The following PMF1 variants were observed in gnomAD, a reference collection of about 807,000 sequenced individuals.
PMF1 encodes the protein polyamine modulated factor 1.
PMF1 carries 21 observed loss-of-function variants against 26.7 expected under a neutral mutation model. The observed-to-expected ratio is 0.79, with a 90% confidence interval of 0.56 to 1.13. PMF1 has a LOEUF of 1.13. PMF1 is among the 50% of genes most tolerant of loss of function. The pLI, the probability that PMF1 is intolerant of heterozygous loss-of-function variation, is 0.00. For missense variants in PMF1, 266 were observed against 254.9 expected (o/e 1.04, Z -0.30); for synonymous variants, 105 against 101.0 (o/e 1.04, Z -0.24).
At position 156,215,647 on chromosome 1, in the gene PMF1, C is replaced by T. The variant is rs2103072132; in HGVS notation, c.161+2471C>T. On this transcript the variant is annotated intron_variant, in intron 1 of 4. Coordinates refer to ENST00000368277, the MANE Select transcript of PMF1 (RefSeq NM_007221.4). ...GCTCAAGTGATCCTCCCACCTCAGC[C>T]TCCCAGAGTGCTAGGATTACAGGCA... 2.0e-5 allele frequency among the ~76,000 whole-genome samples: 3 copies of T among 152,214 alleles called. No individual in the cohort carries two copies. In the Middle Eastern group the frequency reaches 0.01, roughly 518 times the overall value.
chr1:156,217,823 T>A (rs1329495975), intron 1 of PMF1, among the ~76,000 whole-genome samples: 1 of 152,140 alleles, frequency 6.6e-6, no homozygotes, highest in Non-Finnish European at 1.5e-5. Context: ...TTGATATGCA[T>A]CCACCACTTA....
chr1:156,232,549 G>A lies in PMF1; in HGVS notation c.267+124G>A, dbSNP rs568316473. On this transcript the variant is annotated intron_variant, in intron 2 of 4. Transcript: ENST00000368277. The stretch of plus-strand genomic sequence containing the variant: ...TCCTCAGCCCCTAGAGCTGTCCTGG[G>A]TGCCCAGCAGGCTGCAGCATCCATC... 4 of 821,314 alleles carry A rather than the reference G, an allele frequency of 4.9e-6. No homozygotes were observed. In the African/African-American group the frequency reaches 5.2e-5, roughly 11 times the overall value. 50.9% of individuals were successfully genotyped at this position (821,314 alleles called of 1,614,324 possible).
At chr1:156,234,789 G>A (rs1210244323) in intron 3 of PMF1, among the ~76,000 whole-genome samples, 5 of 152,122 alleles carry the variant, frequency 3.3e-5, no homozygotes, top group African/African-American at 1.2e-4. Context: ...GATTAAAGGT[G>A]TGAGCCCTCG....
intron 1 of PMF1, among the ~76,000 whole-genome samples, 176 bp downstream of exon 1, chr1:156,213,352 G>A (rs991787241): frequency 6.6e-6 from 1 of 152,236 alleles, no homozygotes; most frequent in Non-Finnish European, 1.5e-5. Flanking sequence ...TTCACGCACT[G>A]ATAACCTGTA....
chr1:156,213,183 T>C lies in PMF1; in HGVS notation c.161+7T>C, dbSNP rs779655696. 7 of 1,611,880 alleles carry C rather than the reference T, an allele frequency of 4.3e-6. No individual in the cohort carries two copies. The Admixed American group carries it at 6.7e-5, about 15-fold the overall frequency. On this transcript the variant is annotated splice_region_variant and intron_variant, in intron 1 of 4. Transcript: ENST00000368277. ...AGCTGGTCGCCGCCGGCAGGTAAAG[T>C]GGACGCAGCCGCGGTGGGAGTGTTT...
intron 4 of PMF1, among the ~76,000 whole-genome samples, chr1:156,238,393 T>C (rs368761994): frequency 9.2e-5 from 14 of 152,324 alleles, no homozygotes; most frequent in African/African-American, 2.4e-4. Flanking sequence ...CCGACATCAC[T>C]TGGGGCCACA....
At chr1:156,216,842 C>T (rs1164710516) in intron 1 of PMF1, among the ~76,000 whole-genome samples, 1 of 151,854 alleles carries the variant, frequency 6.6e-6, no homozygotes, top group South Asian at 2.1e-4. Context: ...GCCGGCCGGC[C>T]CGCCTCCGCT....
chr1:156,238,442 GAC>G (rs2103139614), intron 4 of PMF1, among the ~76,000 whole-genome samples: 1 of 152,328 alleles, frequency 6.6e-6, no homozygotes, highest in South Asian at 2.1e-4. Flanking sequence ...CAAGCTGAAT[GAC>G]ACAGTAGCAG....
At chr1:156,214,884 A>T (rs2853642) in intron 1 of PMF1, among the ~76,000 whole-genome samples, 31,574 of 137,682 alleles carry the variant, frequency 0.23, 4,505 homozygotes, top group African/African-American at 0.42. Flanking sequence ...TATTATTATT[A>T]TTTTTTTTTT....
intron 1 of PMF1, 74 bp downstream of exon 1, chr1:156,213,250 C>G: frequency 1.9e-6 from 3 of 1,567,648 alleles, no homozygotes; most frequent in Non-Finnish European, 2.6e-6. Context: ...AGGACGGCCG[C>G]AGGCTGGCGC....
chr1:156,215,122 C>T (rs1376350658), intron 1 of PMF1, among the ~76,000 whole-genome samples: 5 of 152,064 alleles, frequency 3.3e-5, no homozygotes, highest in African/African-American at 1.2e-4. Flanking sequence ...GCGATCCACT[C>T]ACCTCTGCCT....
At chr1:156,232,508 C>CCT in intron 2 of PMF1, 83 bp downstream of exon 2, 1 of 1,307,230 alleles carries the variant, frequency 7.6e-7, no homozygotes, top group Middle Eastern at 2.0e-4. Context: ...GTGGCCCCAC[C>CCT]CTCTACACCT....
At chr1:156,232,919 C>CTT (rs57297712) in intron 2 of PMF1, among the ~76,000 whole-genome samples, 2,961 of 114,288 alleles carry the variant, frequency 0.026, 115 homozygotes, top group Middle Eastern at 0.033. Flanking sequence ...TTTTTTCTTC[C>CTT]TTTTTTTTTT....
At chr1:156,236,926 T>C (rs1369015208) in intron 4 of PMF1, 1 of 171,160 alleles carries the variant, frequency 5.8e-6, no homozygotes, top group African/African-American at 2.4e-5. Context: ...TTTTTTAAAA[T>C]TGATACATCA....
At chr1:156,233,762 G>T in intron 3 of PMF1, 34 bp downstream of exon 3, 1 of 1,552,978 alleles carries the variant, frequency 6.4e-7, no homozygotes, top group South Asian at 1.2e-5. Flanking sequence ...GAAGGTACAG[G>T]AAAGAGGCAG....
intron 1 of PMF1, among the ~76,000 whole-genome samples, chr1:156,227,918 A>G (rs1262176058): frequency 6.7e-6 from 1 of 148,960 alleles, no homozygotes; most frequent in African/African-American, 2.5e-5. Context: ...GGCGTGAGCC[A>G]CTGCACCTGA....
chr1:156,215,260 C>T (rs549638985), intron 1 of PMF1, among the ~76,000 whole-genome samples: 85 of 152,206 alleles, frequency 5.6e-4, no homozygotes, highest in African/African-American at 2.0e-3. Context: ...ATCAGATATT[C>T]CAGGAACTGG....
chr1:156,228,255 G>GTTTT (rs1558193692), intron 1 of PMF1, among the ~76,000 whole-genome samples: 2 of 51,244 alleles, frequency 3.9e-5, no homozygotes, highest in Non-Finnish European at 8.2e-5. Flanking sequence ...CGCACCTGGC[G>GTTTT]ATTTTTTTTT....
chr1:156,236,074 G>GCAT (rs1658990164), intron 3 of PMF1, among the ~76,000 whole-genome samples: 2 of 152,198 alleles, frequency 1.3e-5, no homozygotes, highest in African/African-American at 4.8e-5. Context: ...AGGGGGAGAG[G>GCAT]TGGACCCCTA....
Sources: allele counts gnomAD v4.1 joint callset (sites outside exome capture counted in the v4.1 genomes callset), GRCh38; gene constraint gnomAD v4.1.1; transcripts MANE v1.5; gene names NCBI Gene and HGNC (gene_info 2026-07-23, HGNC 2026-07-21).